The following ELF1 variants were observed in gnomAD, a reference collection of about 807,000 sequenced individuals.
ELF1 encodes ETS-related transcription factor Elf-1.
ELF1 carries 24 observed loss-of-function variants against 59.9 expected under a neutral mutation model. That is an observed-to-expected ratio of 0.40 (90% CI 0.29 to 0.56). ELF1 has a LOEUF of 0.56. Among genes scored for constraint, ELF1 ranks in the 20% least tolerant of loss-of-function variants. ELF1 has a pLI of 0.44. For missense variants in ELF1, 627 were observed against 742.2 expected (o/e 0.84, Z 1.80); for synonymous variants, 248 against 266.2 (o/e 0.93, Z 0.67).
At chr13:41,048,040 A>G (rs879700923) in intron 1 of ELF1, among the ~76,000 whole-genome samples, 5 of 152,210 alleles carry the variant, frequency 3.3e-5, no homozygotes, top group Admixed American at 3.3e-4. Flanking sequence ...TGTGTTAGCA[A>G]TGAGCGAGGG....
At chr13:41,051,131 T>C (rs766398605) in intron 1 of ELF1, among the ~76,000 whole-genome samples, 12 of 151,990 alleles carry the variant, frequency 7.9e-5, no homozygotes, top group Non-Finnish European at 1.2e-4. Context: ...TAGAAGGTAA[T>C]GGCAATGCAA....
intron 1 of ELF1, among the ~76,000 whole-genome samples, chr13:41,017,199 C>T (rs1243160659): frequency 4.0e-5 from 6 of 151,572 alleles, no homozygotes; most frequent in African/African-American, 7.3e-5. Context: ...TTGGTTGATC[C>T]ATTTGGTTGC....
At chr13:41,010,459 C>A (rs1243573175) in intron 1 of ELF1, among the ~76,000 whole-genome samples, 1 of 136,924 alleles carries the variant, frequency 7.3e-6, no homozygotes, top group Non-Finnish European at 1.6e-5. Context: ...CTCCCCCCCA[C>A]CCCCCCAAAA....
intron 1 of ELF1, among the ~76,000 whole-genome samples, chr13:41,055,545 G>C (rs1331294850): frequency 6.6e-6 from 1 of 151,652 alleles, no homozygotes. Context: ...TCCCCTCTGA[G>C]CATTTATCAA....
chr13:40,973,199 C>A (rs1427611825), intron 2 of ELF1, among the ~76,000 whole-genome samples: 1 of 152,150 alleles, frequency 6.6e-6, no homozygotes, highest in African/African-American at 2.4e-5. Context: ...TCGCATCATC[C>A]TGCTGATAAG....
intron 1 of ELF1, among the ~76,000 whole-genome samples, chr13:41,047,015 C>T (rs930041551): frequency 1.3e-5 from 2 of 152,106 alleles, no homozygotes; most frequent in South Asian, 2.1e-4. Context: ...CTTCTCTTCT[C>T]GCTTCATTTA....
chr13:40,991,019 A>G (rs1321638101), intron 1 of ELF1, among the ~76,000 whole-genome samples: 4 of 152,204 alleles, frequency 2.6e-5, no homozygotes, highest in Admixed American at 2.0e-4. Context: ...ATATCATGTG[A>G]TAAGCATGGC....
intron 3 of ELF1, among the ~76,000 whole-genome samples, chr13:40,954,302 C>G (rs1374445815): frequency 6.6e-6 from 1 of 152,166 alleles, no homozygotes; most frequent in African/African-American, 2.4e-5. Flanking sequence ...ATTGTAAACC[C>G]CAATGTTGGA....
intron 1 of ELF1, among the ~76,000 whole-genome samples, chr13:40,990,061 T>C (rs1873762259): frequency 6.6e-6 from 1 of 152,164 alleles, no homozygotes; most frequent in Non-Finnish European, 1.5e-5. Flanking sequence ...GTAGTAAAAA[T>C]TTATACACAT....
chr13:41,017,092 C>CA (rs982220173), intron 1 of ELF1, among the ~76,000 whole-genome samples: 6 of 147,954 alleles, frequency 4.1e-5, no homozygotes, highest in African/African-American at 1.5e-4. Flanking sequence ...CAGTCATGAA[C>CA]AAAAAAATTC....
At chr13:40,961,712 T>C (rs1871834474) in intron 2 of ELF1, among the ~76,000 whole-genome samples, 1 of 152,238 alleles carries the variant, frequency 6.6e-6, no homozygotes, top group Non-Finnish European at 1.5e-5. Flanking sequence ...ATGGACTTGT[T>C]AAAACACTTT....
intron 1 of ELF1, among the ~76,000 whole-genome samples, chr13:41,060,532 C>G (rs1315866308): frequency 6.6e-6 from 1 of 152,104 alleles, no homozygotes; most frequent in African/African-American, 2.4e-5. Context: ...GGAGAAGGAT[C>G]GGAAGCGCAT....
intron 3 of ELF1, among the ~76,000 whole-genome samples, chr13:40,956,977 C>A (rs2138189638): frequency 6.7e-6 from 1 of 149,176 alleles, no homozygotes; most frequent in East Asian, 1.9e-4. Flanking sequence ...CAGGCATGGG[C>A]CACTGTGCCC....
chr13:41,048,744 TA>T (rs944430702), intron 1 of ELF1, among the ~76,000 whole-genome samples: 1,555 of 141,846 alleles, frequency 0.011, 6 homozygotes, highest in Middle Eastern at 0.043. Context: ...GTTTTTCCTT[TA>T]AAAAAAAAAA....
chr13:40,948,051 G>A (rs559956024), intron 5 of ELF1, among the ~76,000 whole-genome samples: 2 of 152,272 alleles, frequency 1.3e-5, no homozygotes, highest in African/African-American at 2.4e-5. Flanking sequence ...CAATGGTACT[G>A]AAGAAATTGG....
chr13:41,055,293 T>C (rs1877243717), intron 1 of ELF1, among the ~76,000 whole-genome samples: 1 of 151,948 alleles, frequency 6.6e-6, no homozygotes, highest in Non-Finnish European at 1.5e-5. Context: ...TTATTTCCCA[T>C]TCCTATCCTA....
chr13:41,015,994 TA>T (rs1875336670), intron 1 of ELF1, among the ~76,000 whole-genome samples: 1 of 152,340 alleles, frequency 6.6e-6, no homozygotes, highest in African/African-American at 2.4e-5. Flanking sequence ...ACACTCTTCT[TA>T]ACATAGGTAA....
intron 2 of ELF1, among the ~76,000 whole-genome samples, chr13:40,976,583 C>T (rs1409652217): frequency 6.6e-6 from 1 of 152,188 alleles, no homozygotes; most frequent in Non-Finnish European, 1.5e-5. Flanking sequence ...CTCTTGTTGC[C>T]CAGGCTGGAG....
In ELF1 at chr13:41,016,910, G is replaced by A. The variant is rs868789461; in HGVS notation, c.-229+2318C>T. Among the ~76,000 whole-genome samples the A allele has an allele frequency of 3.4e-3, 120 of 35,098 alleles. 1 individual carries two copies. The highest frequency in any genetic ancestry group is 0.013 in the African/African-American group (112 of 8,916). The allele number at this position is 35,098 out of a possible 152,430, so 23.0% of individuals were successfully genotyped here. ...GCATGGGCAACAAGAGTGAAACTCC[G>A]TCTCAAAAAAAAAAAAAAAAAAAAA... is the stretch of plus-strand genomic sequence containing the variant. On this transcript the variant is annotated intron_variant, in intron 1 of 8. Coordinates refer to ENST00000239882, the MANE Select transcript of ELF1 (RefSeq NM_172373.4).
Sources: gnomAD v4.1 joint callset for allele counts (sites outside exome capture counted in the v4.1 genomes callset) on GRCh38, gnomAD v4.1.1 for gene constraint, MANE v1.5 for transcripts, NCBI Gene and HGNC (gene_info 2026-07-23, HGNC 2026-07-21) for gene names.